KCNT2: variants seen among roughly 807,000 people sequenced by gnomAD.
KCNT2 encodes the protein potassium channel subfamily T member 2.
A neutral mutation model predicts 153.8 loss-of-function variants in KCNT2; 67 were observed. That is an observed-to-expected ratio of 0.44 (90% confidence interval 0.36 to 0.53). KCNT2 has a LOEUF of 0.53. Ranked by LOEUF, KCNT2 falls within the 20% of genes least tolerant of loss-of-function variation. The pLI is 0.00. For missense variants in KCNT2, 975 were observed against 1,354.8 expected (o/e 0.72, Z 4.40); for synonymous variants, 500 against 458.8 (o/e 1.09, Z -1.15).
chr1:196,334,483 C>CTTTTTTTTT lies in KCNT2; in HGVS notation c.1784-424_1784-423insAAAAAAAAA, dbSNP rs757677685. Among the ~76,000 whole-genome samples, 20 of 42,326 alleles carry CTTTTTTTTT rather than the reference C, an allele frequency of 4.7e-4. 1 individual carries two copies. Among genetic ancestry groups the CTTTTTTTTT allele is most frequent in the Non-Finnish European group, 6.6e-4 (17 of 25,650 alleles). 27.8% of individuals were successfully genotyped at this position (42,326 alleles called of 152,430 possible). ...TGCTTTTTCTTTTATTTCTTTCTTTCTTTCTTTTTTTTTTTTAAGACAGAG... is the reference window on the plus strand; with the variant it reads ...TGCTTTTTCTTTTATTTCTTTCTTTCTTTTTTTTTTTTCTTTTTTTTTTTTAAGACAGAG... On this transcript the variant is annotated intron_variant, in intron 16 of 27. Coordinates refer to ENST00000294725, the MANE Select transcript of KCNT2 (RefSeq NM_198503.5).
intron 13 of KCNT2, among the ~76,000 whole-genome samples, chr1:196,381,443 T>C (rs1669483670): frequency 6.6e-6 from 1 of 151,886 alleles, no homozygotes; most frequent in African/African-American, 2.4e-5. Context: ...CTAAATAATA[T>C]TTCTGCTTTC....
chr1:196,333,709 A>C, intron 17 of KCNT2, 138 bp downstream of exon 17: 1 of 615,792 alleles, frequency 1.6e-6, no homozygotes, highest in Non-Finnish European at 2.9e-6. Context: ...TTTTGGTAGA[A>C]GTATATAGGA....
chr1:196,579,293 G>C (rs1243350523), intron 1 of KCNT2, among the ~76,000 whole-genome samples: 1 of 151,966 alleles, frequency 6.6e-6, no homozygotes, highest in Non-Finnish European at 1.5e-5. Flanking sequence ...TGGACACAAA[G>C]AAGGGAACAA....
At chr1:196,572,638 G>A (rs1660911737) in intron 1 of KCNT2, among the ~76,000 whole-genome samples, 2 of 151,976 alleles carry the variant, frequency 1.3e-5, no homozygotes, top group Admixed American at 1.3e-4. Flanking sequence ...GCTTTCTAAG[G>A]GTGATGGATA....
intron 25 of KCNT2, among the ~76,000 whole-genome samples, chr1:196,261,018 A>T (rs1245797904): frequency 1.3e-5 from 2 of 151,580 alleles, no homozygotes; most frequent in East Asian, 3.9e-4. Flanking sequence ...TTGGATATTG[A>T]ATGTGTGTGT....
intron 20 of KCNT2, among the ~76,000 whole-genome samples, chr1:196,316,598 T>G (rs1662748861): frequency 6.6e-6 from 1 of 151,750 alleles, no homozygotes; most frequent in Admixed American, 6.6e-5. Flanking sequence ...TTCTGTTGTA[T>G]GCAAGCCTAC....
At chr1:196,525,160 G>C (rs1654003280) in intron 1 of KCNT2, among the ~76,000 whole-genome samples, 1 of 151,950 alleles carries the variant, frequency 6.6e-6, no homozygotes, top group African/African-American at 2.4e-5. Flanking sequence ...GAAAGTGAGG[G>C]AACAGGTAGA....
At chr1:196,526,847 T>C (rs1654287841) in intron 1 of KCNT2, among the ~76,000 whole-genome samples, 1 of 152,124 alleles carries the variant, frequency 6.6e-6, no homozygotes, top group Non-Finnish European at 1.5e-5. Context: ...CTTTTTTGCA[T>C]ACTCCTCAGT....
At position 196,240,306 on chromosome 1, in the gene KCNT2, T is replaced by C. The variant is rs952547054; in HGVS notation, c.3212-4236A>G. 4.6e-5 allele frequency among the ~76,000 whole-genome samples: 7 copies of C among 152,178 alleles called. No homozygotes were observed. In the South Asian group the frequency reaches 6.2e-4, roughly 14 times the overall value. The stretch of plus-strand genomic sequence containing the variant: ...CTTAATCTCTCTGCGATTAACATCC[T>C]GGCATGAAAAATGAGGATAGCAACA... On this transcript the variant is annotated intron_variant, in intron 26 of 27. Transcript: ENST00000294725.
intron 1 of KCNT2, among the ~76,000 whole-genome samples, chr1:196,558,337 GAT>G (rs1243107473): frequency 6.6e-6 from 1 of 150,700 alleles, no homozygotes; most frequent in African/African-American, 2.4e-5. Flanking sequence ...ATAAAGTAAG[GAT>G]ATATCTGACA....
chr1:196,254,598 A>C lies in KCNT2; in HGVS notation c.3211+3596T>G, dbSNP rs181863790. ...GAAAAATATTTGATTTATTCGTTAA[A>C]AAATACGAAAACTTATGAGCTGAAA... On this transcript the variant is annotated intron_variant, in intron 26 of 27. Coordinates refer to ENST00000294725, the MANE Select transcript of KCNT2 (RefSeq NM_198503.5). Among the ~76,000 whole-genome samples the C allele has an allele frequency of 5.5e-3, 833 of 151,692 alleles. 4 individuals carry two copies. The highest frequency in any genetic ancestry group is 8.3e-3 in the Admixed American group (126 of 15,246).
chr1:196,594,720 G>C (rs1663837714), intron 1 of KCNT2, among the ~76,000 whole-genome samples: 2 of 152,164 alleles, frequency 1.3e-5, no homozygotes, highest in South Asian at 2.1e-4. Context: ...CCAATTTAGA[G>C]TCTGGTAATG....
intron 26 of KCNT2, among the ~76,000 whole-genome samples, chr1:196,253,666 C>T (rs967788230): frequency 6.6e-6 from 1 of 151,484 alleles, no homozygotes; most frequent in Non-Finnish European, 1.5e-5. Flanking sequence ...TATTGTTTCA[C>T]ATTTTTTGTA....
At chr1:196,346,376 T>C (rs1666145350) in intron 14 of KCNT2, among the ~76,000 whole-genome samples, 1 of 152,174 alleles carries the variant, frequency 6.6e-6, no homozygotes, top group Non-Finnish European at 1.5e-5. Flanking sequence ...TCCACCCAGT[T>C]ACTCAATGTA....
chr1:196,576,704 T>A (rs1026248680), intron 1 of KCNT2, among the ~76,000 whole-genome samples: 2 of 152,140 alleles, frequency 1.3e-5, no homozygotes, highest in Non-Finnish European at 2.9e-5. Context: ...TAATAGTATC[T>A]CTGGCTGTAT....
intron 8 of KCNT2, among the ~76,000 whole-genome samples, chr1:196,436,629 C>G (rs1440975224): frequency 1.3e-5 from 2 of 151,184 alleles, no homozygotes; most frequent in African/African-American, 4.8e-5. Context: ...GTCTTTGGAG[C>G]TATTATTAAA....
At chr1:196,461,280 C>A (rs1015719337) in intron 8 of KCNT2, among the ~76,000 whole-genome samples, 2 of 151,584 alleles carry the variant, frequency 1.3e-5, no homozygotes, top group African/African-American at 4.8e-5. Flanking sequence ...TCATGTTTAA[C>A]ATGATCATAT....
At chr1:196,469,330 T>A (rs190591614) in intron 5 of KCNT2, among the ~76,000 whole-genome samples, 2 of 152,242 alleles carry the variant, frequency 1.3e-5, no homozygotes, top group East Asian at 3.9e-4. Flanking sequence ...TATCAAGTAA[T>A]ATGTCATGGA....
intron 1 of KCNT2, among the ~76,000 whole-genome samples, chr1:196,572,513 A>G (rs1660897553): frequency 6.6e-6 from 1 of 152,118 alleles, no homozygotes; most frequent in African/African-American, 2.4e-5. Flanking sequence ...GGCTAAGGAA[A>G]AAGTATTCAA....
Sources: gnomAD v4.1 joint callset for allele counts (sites outside exome capture counted in the v4.1 genomes callset) on GRCh38, gnomAD v4.1.1 for gene constraint, MANE v1.5 for transcripts, NCBI Gene and HGNC (gene_info 2026-07-23, HGNC 2026-07-21) for gene names.